Variants in AK5 observed in about 807,000 individuals in gnomAD.
AK5 encodes adenylate kinase 5.
AK5 carries 27 observed loss-of-function variants against 69.5 expected under a neutral mutation model. That is an observed-to-expected ratio of 0.39 (90% CI 0.29 to 0.54). The LOEUF is 0.54. Among genes scored for constraint, AK5 ranks in the 20% least tolerant of loss-of-function variants. The pLI is 0.71. For synonymous variants in AK5, 260 were observed against 244.4 expected, an observed-to-expected ratio of 1.06 and a Z score of -0.60; for missense variants, 531 against 700.4, an observed-to-expected ratio of 0.76 and a Z score of 2.73.
intron 6 of AK5, among the ~76,000 whole-genome samples, chr1:77,388,043 G>A (rs1476709152): frequency 6.6e-6 from 1 of 152,090 alleles, no homozygotes; most frequent in Non-Finnish European, 1.5e-5. Context: ...CATTTTAAAT[G>A]ACAAGCATTA....
intron 8 of AK5, among the ~76,000 whole-genome samples, chr1:77,473,316 C>G (rs1049264985): frequency 1.3e-5 from 2 of 151,938 alleles, no homozygotes; most frequent in Non-Finnish European, 2.9e-5. Flanking sequence ...CTCCTTGTCT[C>G]AAGCTATCCT....
chr1:77,506,006 G>C (rs1657002615), intron 10 of AK5, among the ~76,000 whole-genome samples: 1 of 152,168 alleles, frequency 6.6e-6, no homozygotes, highest in Non-Finnish European at 1.5e-5. Context: ...CTACAAAGTA[G>C]GAAAAATGGT....
At chr1:77,471,773 GA>G (rs554834599) in intron 8 of AK5, among the ~76,000 whole-genome samples, 116 of 152,314 alleles carry the variant, frequency 7.6e-4, no homozygotes, top group African/African-American at 2.1e-3. Context: ...AATTAATAAT[GA>G]AAAAGCAAGA....
chr1:77,402,428 A>G (rs1175764989), intron 6 of AK5, among the ~76,000 whole-genome samples: 1 of 148,078 alleles, frequency 6.8e-6, no homozygotes, highest in Admixed American at 6.7e-5. Flanking sequence ...TATATCTCCT[A>G]ATGCTATCCC....
chr1:77,284,331 A>G lies in AK5; in HGVS notation c.60+1958A>G, dbSNP rs143351437. Among the ~76,000 whole-genome samples the G allele has an allele frequency of 1.2e-4, 18 of 152,340 alleles. No individual in the cohort carries two copies. In the East Asian group the frequency reaches 1.3e-3, roughly 11 times the overall value. On this transcript the variant is annotated intron_variant, in intron 1 of 13. Coordinates refer to ENST00000354567, the MANE Select transcript of AK5 (RefSeq NM_174858.3). ...TTTAAAATGGATTTTGCCCACCACA[A>G]TATTTTAGGTGTACAAAGTTTAACA... is the stretch of plus-strand genomic sequence containing the variant.
At chr1:77,472,899 T>G (rs1291253432) in intron 8 of AK5, among the ~76,000 whole-genome samples, 1 of 152,126 alleles carries the variant, frequency 6.6e-6, no homozygotes, top group Admixed American at 6.5e-5. Flanking sequence ...CATTCTGACC[T>G]CTGCTTCTGT....
intron 6 of AK5, among the ~76,000 whole-genome samples, chr1:77,352,088 C>A (rs780653636): frequency 1.3e-5 from 2 of 151,998 alleles, no homozygotes; most frequent in Non-Finnish European, 2.9e-5. Flanking sequence ...TGCCACCATG[C>A]CCGGCTAATT....
chr1:77,339,770 T>A lies in AK5; in HGVS notation c.700-607T>A, dbSNP rs112157515. Among the ~76,000 whole-genome samples, 933 of 151,630 alleles carry A rather than the reference T, an allele frequency of 6.2e-3. 9 individuals carry two copies. Among genetic ancestry groups the A allele is most frequent in the African/African-American group, 0.021 (868 of 41,298 alleles). ...AAGCAATTCTCTTGCCTTAGACTCC[T>A]GAGTAGCTGGGATTACAGGTGCGTG... On this transcript the variant is annotated intron_variant, in intron 5 of 13. Coordinates refer to ENST00000354567, the MANE Select transcript of AK5 (RefSeq NM_174858.3).
intron 5 of AK5, chr1:77,315,063 T>C (rs566822322): frequency 5.9e-5 from 9 of 152,226 alleles, no homozygotes; most frequent in African/African-American, 1.9e-4. Context: ...ATACAATGAT[T>C]AGCATATGGT....
At position 77,517,080 on chromosome 1, in the gene AK5, AAAAG is replaced by A. The variant is rs1193500524; in HGVS notation, c.1148-1481_1148-1478del. ...AGCAAGACCATCTCAAAAAAAAAAA[AAAAG>A]AAGAAGAAGAAATAGCGGGGAAAGA... On this transcript the variant is annotated intron_variant, in intron 10 of 13. Coordinates refer to ENST00000354567, the MANE Select transcript of AK5 (RefSeq NM_174858.3). Among the ~76,000 whole-genome samples, 21 of 151,838 alleles carry A rather than the reference AAAAG, an allele frequency of 1.4e-4. No homozygotes were observed. The East Asian group carries it at 2.3e-3, about 17-fold the overall frequency.
chr1:77,397,744 C>T (rs1400781837), intron 6 of AK5, among the ~76,000 whole-genome samples: 1 of 151,940 alleles, frequency 6.6e-6, no homozygotes, highest in Non-Finnish European at 1.5e-5. Context: ...AAAATTTAAA[C>T]ATAAAAAATT....
chr1:77,411,635 G>A (rs114815814), intron 7 of AK5, among the ~76,000 whole-genome samples: 1 of 152,092 alleles, frequency 6.6e-6, no homozygotes, highest in Non-Finnish European at 1.5e-5. Context: ...TCCGTACTCT[G>A]ACCCTGAGCC....
intron 5 of AK5, among the ~76,000 whole-genome samples, chr1:77,335,995 T>A (rs1386111030): frequency 1.3e-5 from 2 of 152,090 alleles, no homozygotes; most frequent in Non-Finnish European, 2.9e-5. Flanking sequence ...AGGGCACCAA[T>A]CTCATTCATG....
chr1:77,558,841 G>A lies in AK5; in HGVS notation c.*171G>A, dbSNP rs553226640. 6.3e-5 allele frequency: 38 copies of A among 601,924 alleles called. No homozygotes were observed. In the East Asian group the frequency reaches 1.0e-3, roughly 16 times the overall value. 37.3% of individuals were successfully genotyped at this position (601,924 alleles called of 1,614,324 possible). On this transcript the variant is annotated 3_prime_UTR_variant, in exon 14 of 14. Coordinates refer to ENST00000354567, the MANE Select transcript of AK5 (RefSeq NM_174858.3). ...GCTAGACCTGTGTGAGAGGTGTCTG[G>A]AAATCATGCATGGTGTATTTGGGAC...
At chr1:77,553,280 G>A (rs1659905663) in intron 13 of AK5, among the ~76,000 whole-genome samples, 1 of 152,284 alleles carries the variant, frequency 6.6e-6, no homozygotes, top group Non-Finnish European at 1.5e-5. Flanking sequence ...AGGGACTGGT[G>A]GAATTCAGCA....
At chr1:77,494,381 G>A (rs1483852034) in intron 10 of AK5, among the ~76,000 whole-genome samples, 2 of 152,244 alleles carry the variant, frequency 1.3e-5, no homozygotes, top group Middle Eastern at 3.4e-3. Context: ...TGTTTAGAGA[G>A]CCACTCTGAA....
chr1:77,526,508 C>A (rs1016186198), intron 12 of AK5, among the ~76,000 whole-genome samples: 1 of 132,640 alleles, frequency 7.5e-6, no homozygotes, highest in East Asian at 2.2e-4. Context: ...CGGAGTCTCG[C>A]TCTGTCGCCC....
At chr1:77,339,043 C>A (rs1661510993) in intron 5 of AK5, among the ~76,000 whole-genome samples, 1 of 150,614 alleles carries the variant, frequency 6.6e-6, no homozygotes, top group Admixed American at 6.7e-5. Flanking sequence ...ACAAAGCAAA[C>A]CACTGTGATA....
intron 10 of AK5, among the ~76,000 whole-genome samples, chr1:77,501,653 G>A (rs1262487323): frequency 1.3e-5 from 2 of 152,206 alleles, no homozygotes; most frequent in African/African-American, 4.8e-5. Context: ...TCATCATTGA[G>A]CGAAATGTTG....
Sources: gnomAD v4.1 joint callset for allele counts (sites outside exome capture counted in the v4.1 genomes callset) on GRCh38, gnomAD v4.1.1 for gene constraint, MANE v1.5 for transcripts, NCBI Gene and HGNC (gene_info 2026-07-23, HGNC 2026-07-21) for gene names.